Variants in TENM3 observed in about 807,000 individuals in gnomAD.
TENM3 encodes teneurin-3.
In TENM3, 63 loss-of-function variants were observed where a neutral mutation model predicts 255.1. That is an observed-to-expected ratio of 0.25 (90% CI 0.20 to 0.30). The LOEUF is 0.30. TENM3 is among the 10% of genes least tolerant of loss of function. The pLI is 1.00. For synonymous variants in TENM3, 1,306 were observed against 1,322.3 expected, an observed-to-expected ratio of 0.99 and a Z score of 0.27; for missense variants, 2,929 against 3,461.1, an observed-to-expected ratio of 0.85 and a Z score of 3.86.
At chr4:181,557,692 AT>A in the TENM3 span, among the ~76,000 whole-genome samples, 87,063 of 150,150 alleles carry the variant, frequency 0.58, 25,495 homozygotes, top group Middle Eastern at 0.65. Flanking sequence ...ACCCCCAGCT[AT>A]TTTTTTTTTG....
At chr4:181,737,097 A>G in the TENM3 span, among the ~76,000 whole-genome samples, 1 of 152,150 alleles carries the variant, frequency 6.6e-6, no homozygotes, top group African/African-American at 2.4e-5. Context: ...GTAGTTCTTC[A>G]AATACAGACC....
the TENM3 span, among the ~76,000 whole-genome samples, chr4:181,472,182 A>T: frequency 6.6e-6 from 1 of 152,124 alleles, no homozygotes; most frequent in Admixed American, 6.5e-5. Context: ...CCTGTCCAAA[A>T]ATATGATATG....
the TENM3 span, among the ~76,000 whole-genome samples, chr4:182,109,150 A>G: frequency 1.3e-5 from 2 of 149,212 alleles, no homozygotes; most frequent in African/African-American, 4.9e-5. Context: ...TGATTATACT[A>G]TAATTTATGT....
chr4:182,362,390 C>A (rs867702610), intron 3 of TENM3, among the ~76,000 whole-genome samples: 1 of 151,598 alleles, frequency 6.6e-6, no homozygotes, highest in African/African-American at 2.4e-5. Context: ...GAGAGCTTCC[C>A]GGCTGCTTTG....
the TENM3 span, among the ~76,000 whole-genome samples, chr4:181,549,144 C>A: frequency 6.6e-6 from 1 of 152,154 alleles, no homozygotes. Flanking sequence ...GCCCTCACCC[C>A]CTTACCCTAT....
chr4:182,061,696 C>T, the TENM3 span, among the ~76,000 whole-genome samples: 11 of 152,130 alleles, frequency 7.2e-5, no homozygotes, highest in Admixed American at 2.6e-4. Flanking sequence ...TGGCTGCTCA[C>T]GCCCGTAATC....
At chr4:182,169,555 A>G (rs1751964342) in intron 1 of TENM3, among the ~76,000 whole-genome samples, 1 of 152,214 alleles carries the variant, frequency 6.6e-6, no homozygotes, top group South Asian at 2.1e-4. Flanking sequence ...CTGTGAATTT[A>G]AAATCTTTCT....
chr4:181,991,003 A>G, the TENM3 span, among the ~76,000 whole-genome samples: 1 of 152,194 alleles, frequency 6.6e-6, no homozygotes, highest in East Asian at 1.9e-4. Context: ...AAGGATATTC[A>G]GCAAATTTTA....
At chr4:182,448,401 G>A (rs959066531) in intron 3 of TENM3, among the ~76,000 whole-genome samples, 1 of 152,034 alleles carries the variant, frequency 6.6e-6, no homozygotes, top group Non-Finnish European at 1.5e-5. Flanking sequence ...AGGTACCGCC[G>A]GGCCCGCCTG....
the TENM3 span, among the ~76,000 whole-genome samples, chr4:181,678,424 G>C: frequency 6.6e-6 from 1 of 151,998 alleles, no homozygotes; most frequent in Non-Finnish European, 1.5e-5. Flanking sequence ...GGTCTTGAGG[G>C]AGGCAACGGG....
At chr4:181,707,609 A>G in the TENM3 span, among the ~76,000 whole-genome samples, 1 of 152,320 alleles carries the variant, frequency 6.6e-6, no homozygotes, top group East Asian at 1.9e-4. Flanking sequence ...TTCTGAATAG[A>G]CAGTTCATCA....
the TENM3 span, among the ~76,000 whole-genome samples, chr4:181,452,995 T>A: frequency 6.6e-6 from 1 of 152,116 alleles, no homozygotes. Flanking sequence ...AAATATACAG[T>A]GTGATTGCCC....
intron 1 of TENM3, among the ~76,000 whole-genome samples, chr4:182,228,394 A>G (rs201102218): frequency 0.13 from 15,360 of 121,242 alleles, 1,999 homozygotes; most frequent in Non-Finnish European, 0.15. Flanking sequence ...GTGTGTGTGT[A>G]TATGTAATCC....
chr4:181,783,832 T>A, the TENM3 span, among the ~76,000 whole-genome samples: 1 of 151,914 alleles, frequency 6.6e-6, no homozygotes, highest in Non-Finnish European at 1.5e-5. Flanking sequence ...CCAGAGTCGC[T>A]AGGATTATAA....
chr4:182,736,708 T>A, intron 16 of TENM3, 100 bp from the exon 17 acceptor site: 1 of 1,113,610 alleles, frequency 9.0e-7, no homozygotes, highest in Non-Finnish European at 1.2e-6. Flanking sequence ...ACACAGAGAG[T>A]CACTATTCAC....
the TENM3 span, among the ~76,000 whole-genome samples, chr4:181,931,992 C>G: frequency 6.6e-6 from 1 of 152,168 alleles, no homozygotes; most frequent in Non-Finnish European, 1.5e-5. Context: ...GGACCCCTTC[C>G]TTACATTTTA....
the TENM3 span, among the ~76,000 whole-genome samples, chr4:182,064,435 G>A: frequency 1.3e-5 from 2 of 151,952 alleles, no homozygotes; most frequent in Non-Finnish European, 2.9e-5. Flanking sequence ...AAAATTAGCC[G>A]GGCGTGGTGG....
the TENM3 span, among the ~76,000 whole-genome samples, chr4:181,892,800 C>G: frequency 6.6e-6 from 1 of 152,180 alleles, no homozygotes; most frequent in Admixed American, 6.5e-5. Flanking sequence ...CTGAATGACA[C>G]ATACAGGCTG....
chr4:181,818,339 A>T, the TENM3 span, among the ~76,000 whole-genome samples: 2 of 152,112 alleles, frequency 1.3e-5, no homozygotes, highest in African/African-American at 2.4e-5. Context: ...AAGGCGGTGA[A>T]AACAGAATTG....
Sources: allele counts gnomAD v4.1 joint callset (sites outside exome capture counted in the v4.1 genomes callset), GRCh38; gene constraint gnomAD v4.1.1; transcripts MANE v1.5; gene names NCBI Gene and HGNC (gene_info 2026-07-23, HGNC 2026-07-21).